The following KDM5A variants were observed in gnomAD, a reference collection of about 807,000 sequenced individuals.
The protein encoded by KDM5A is lysine demethylase 5A, also known as lysine-specific demethylase 5A.
A neutral mutation model predicts 193.5 loss-of-function variants in KDM5A; 42 were observed. The observed-to-expected ratio is 0.22, with a 90% CI of 0.17 to 0.28. The LOEUF (loss-of-function observed/expected upper bound fraction) is 0.28, where lower values mean the gene tolerates loss of function less well. Among genes scored for constraint, KDM5A ranks in the 10% least tolerant of loss-of-function variants. KDM5A has a pLI of 1.00. For missense variants in KDM5A, 1,692 were observed against 2,055.1 expected, an observed-to-expected ratio of 0.82 and a Z score of 3.42; for synonymous variants, 796 against 718.1, an observed-to-expected ratio of 1.11 and a Z score of -1.73.
At chr12:314,416 C>G (rs1943625626) in intron 19 of KDM5A, among the ~76,000 whole-genome samples, 1 of 152,004 alleles carries the variant, frequency 6.6e-6, no homozygotes, top group Non-Finnish European at 1.5e-5. Context: ...AGGATGGTCT[C>G]CATCTCCTGA....
intron 13 of KDM5A, among the ~76,000 whole-genome samples, chr12:331,067 CTT>C (rs1406379239): frequency 2.0e-5 from 3 of 150,234 alleles, no homozygotes; most frequent in Admixed American, 6.6e-5. Context: ...ATATTATACT[CTT>C]TTAAAATTAA....
chr12:389,173 TC>T lies in KDM5A; in HGVS notation c.-83del. 7.5e-7 allele frequency: 1 copy of T among 1,334,176 alleles called. No homozygotes were observed. Among genetic ancestry groups the T allele is most frequent in the Non-Finnish European group, 1.1e-6 (1 of 928,266 alleles). The allele number at this position is 1,334,176 out of a possible 1,614,324, so 82.6% of individuals were successfully genotyped here. ...CTGAAGCCCACTAAGCCCGTTCAAGTCCCCTGACAGAGGCCGAAGCGCATCT... is the reference window on the plus strand; with the variant it reads ...CTGAAGCCCACTAAGCCCGTTCAAGTCCCTGACAGAGGCCGAAGCGCATCT... On this transcript the variant is annotated 5_prime_UTR_variant, in exon 1 of 28. It removes the in-frame stop codon of an upstream open reading frame in the 5' UTR. Transcript: ENST00000399788.
chr12:285,302 C>A lies in KDM5A; in HGVS notation c.*154G>T. 1.5e-6 allele frequency: 1 copy of A among 658,174 alleles called. No homozygotes were observed. Among genetic ancestry groups the A allele is most frequent in the Admixed American group, 2.5e-5 (1 of 39,904 alleles). 40.8% of individuals were successfully genotyped at this position (658,174 alleles called of 1,614,324 possible). A position where few individuals can be genotyped will look rare whatever the true frequency, so the allele number is the denominator to read the frequency against. On this transcript the variant is annotated 3_prime_UTR_variant, in exon 28 of 28. Transcript: ENST00000399788. ...TGATAGAGAATGTAACCCACAGAGT[C>A]CATGCAAAGAGGAAGCCAGCACTAA...
At chr12:327,351 A>G (rs960289227) in intron 14 of KDM5A, among the ~76,000 whole-genome samples, 1 of 152,146 alleles carries the variant, frequency 6.6e-6, no homozygotes, top group Non-Finnish European at 1.5e-5. Flanking sequence ...CAAAAGAAAG[A>G]CTCTAGGCAA....
chr12:382,726 G>A (rs1043151146), intron 3 of KDM5A, among the ~76,000 whole-genome samples: 1 of 152,136 alleles, frequency 6.6e-6, no homozygotes, highest in African/African-American at 2.4e-5. Context: ...GAGGTCAGAA[G>A]TTCGAGACCA....
chr12:317,734 G>A (rs571092104), intron 19 of KDM5A, among the ~76,000 whole-genome samples: 12 of 152,140 alleles, frequency 7.9e-5, no homozygotes, highest in South Asian at 6.2e-4. Context: ...TACCCCATGC[G>A]TGGGTCCAGA....
At chr12:301,265 T>C (rs1244544568) in intron 24 of KDM5A, among the ~76,000 whole-genome samples, 1 of 152,172 alleles carries the variant, frequency 6.6e-6, no homozygotes, top group African/African-American at 2.4e-5. Flanking sequence ...TGAACATCGA[T>C]GCAAAAATCC....
At position 307,083 on chromosome 12, in the gene KDM5A, A is replaced by G. The variant is rs762744999; in HGVS notation, c.3937T>C (p.Leu1313=). 1.2e-6 allele frequency: 2 copies of G among 1,614,060 alleles called. No homozygotes were observed. Among genetic ancestry groups the G allele is most frequent in the African/African-American group, 2.7e-5 (2 of 74,938 alleles). The part of the protein sequence containing the change: ...AAANPDLQGH[L]PSFQQSAFNR... ...AAAGCAGACTGCTGGAAACTAGGTA[A>G]GTGTCCCTAAACAACAAATAATTCC... The change falls in exon 24 of 28, where the codon TTA becomes CTA. Residue 1313 remains leucine (L), a synonymous_variant. Coordinates refer to ENST00000399788, the MANE Select transcript of KDM5A (RefSeq NM_001042603.3). The surrounding 1 kb of genome is among the most constrained non-coding windows in gnomAD (Gnocchi z 4.3).
At chr12:313,497 A>C (rs1393733386) in intron 19 of KDM5A, among the ~76,000 whole-genome samples, 1 of 152,238 alleles carries the variant, frequency 6.6e-6, no homozygotes, top group Non-Finnish European at 1.5e-5. Flanking sequence ...ACACATCTGA[A>C]ATACTGATTC....
rs145570709 is a variant in KDM5A, at chr12:367,645, T to G, written c.367-1541A>C. ...TGAACCCAGGAGGCAAAGGTTGCAG[T>G]TAGCTGAGATTGTGCCACTGCACTC... On this transcript the variant is annotated intron_variant, in intron 3 of 27. Transcript: ENST00000399788. Among the ~76,000 whole-genome samples the G allele has an allele frequency of 1.8e-3, 280 of 152,114 alleles. 1 individual carries two copies. Among genetic ancestry groups the G allele is most frequent in the African/African-American group, 6.6e-3 (275 of 41,486 alleles).
chr12:384,280 C>T (rs1408045405), intron 2 of KDM5A, 127 bp from the exon 3 acceptor site: 4 of 718,220 alleles, frequency 5.6e-6, no homozygotes, highest in Admixed American at 4.0e-5. Context: ...CCCAGCCACA[C>T]AGCAGGAGGT....
chr12:287,417 AATTG>A (rs1160654933), intron 27 of KDM5A, among the ~76,000 whole-genome samples: 4 of 152,060 alleles, frequency 2.6e-5, no homozygotes, highest in Non-Finnish European at 4.4e-5. Context: ...TTTGTTCTGT[AATTG>A]ATTGTTTAGC....
intron 10 of KDM5A, among the ~76,000 whole-genome samples, chr12:342,181 T>A (rs1296310788): frequency 1.3e-5 from 2 of 152,210 alleles, no homozygotes; most frequent in African/African-American, 2.4e-5. Context: ...CTACAGGGGC[T>A]ATACTTTTAT....
chr12:389,103 G>GC lies in KDM5A; in HGVS notation c.-13_-12insG, dbSNP rs1491017177. The GC allele has an allele frequency of 1.3e-3, 30 of 22,864 alleles. No individual in the cohort carries two copies. The African/African-American group carries it at 0.017, about 13-fold the overall frequency. 1.4% of individuals were successfully genotyped at this position (22,864 alleles called of 1,614,324 possible). On this transcript the variant is annotated 5_prime_UTR_variant, in exon 1 of 28. Transcript: ENST00000399788. ...CCCACGCCCGCCATTGCAACGGCCG[G>GC]GGGGGGGGGGGGGTCCCCGTGGGGA...
chr12:316,797 T>C (rs1017162), intron 19 of KDM5A, among the ~76,000 whole-genome samples: 10,729 of 152,194 alleles, frequency 0.07, 846 homozygotes, highest in East Asian at 0.35. Context: ...AAATATCCAG[T>C]GTACACAGAG....
In KDM5A at chr12:282,364, A is replaced by C. The variant is rs1943165437; in HGVS notation, c.*3092T>G. On this transcript the variant is annotated 3_prime_UTR_variant, in exon 28 of 28. Coordinates refer to ENST00000399788, the MANE Select transcript of KDM5A (RefSeq NM_001042603.3). ...TTAATGTTTGCCGTTTCCATTATTC[A>C]AGGTATGACATGCAATAATTTATAA... 4.3e-6 allele frequency: 1 copy of C among 233,220 alleles called. No homozygotes were observed. Among genetic ancestry groups the C allele is most frequent in the South Asian group, 1.8e-4 (1 of 5,542 alleles). The allele number at this position is 233,220 out of a possible 1,614,324, so 14.4% of individuals were successfully genotyped here. A position where few individuals can be genotyped will look rare whatever the true frequency, so the allele number is the denominator to read the frequency against.
intron 18 of KDM5A, among the ~76,000 whole-genome samples, chr12:320,350 G>A (rs1478455807): frequency 6.6e-6 from 1 of 152,098 alleles, no homozygotes; most frequent in African/African-American, 2.4e-5. Flanking sequence ...ATAAAAATTA[G>A]CTGGGCATAG....
intron 10 of KDM5A, among the ~76,000 whole-genome samples, chr12:347,530 A>AACCAAAACAGCATGGTACTGGT (rs2137443910): frequency 6.6e-6 from 1 of 152,358 alleles, no homozygotes; most frequent in African/African-American, 2.4e-5. Context: ...AGGCTACAGT[A>AACCAAAACAGCATGGTACTGGT]ACCAAAACAG....
intron 11 of KDM5A, among the ~76,000 whole-genome samples, chr12:334,015 T>C (rs764159498): frequency 9.2e-5 from 14 of 152,180 alleles, no homozygotes; most frequent in Non-Finnish European, 1.8e-4. Context: ...ATAATGGACA[T>C]TTCAATTATC....
Sources: gnomAD v4.1 joint callset for allele counts (sites outside exome capture counted in the v4.1 genomes callset) on GRCh38, gnomAD v4.1.1 for gene constraint, Gnocchi (gnomAD v3.1) non-coding constraint, MANE v1.5 for transcripts, NCBI Gene and HGNC (gene_info 2026-07-23, HGNC 2026-07-21) for gene names.